Variants in DIAPH2 observed in about 807,000 individuals in gnomAD.
DIAPH2 encodes the protein protein diaphanous homolog 2.
In DIAPH2, 35 loss-of-function variants were observed where a neutral mutation model predicts 92.7. That is an observed-to-expected ratio of 0.38 (90% CI 0.29 to 0.50). The LOEUF is 0.50. Ranked by LOEUF, DIAPH2 falls within the 20% of genes least tolerant of loss-of-function variation. The pLI is 0.94. For missense variants in DIAPH2, 701 were observed against 819.5 expected (o/e 0.86, Z 1.77); for synonymous variants, 301 against 280.4 (o/e 1.07, Z -0.73).
chrX:97,040,180 T>G (rs2066438921), intron 17 of DIAPH2, among the ~76,000 whole-genome samples: 1 of 109,613 alleles, frequency 9.1e-6, no homozygotes, highest in Admixed American at 9.7e-5. Context: ...TGAGGGTTTT[T>G]TTTTTTTTTT....
At chrX:96,686,785 AT>A (rs2063773421) in intron 1 of DIAPH2, among the ~76,000 whole-genome samples, 1 of 112,267 alleles carries the variant, frequency 8.9e-6, no homozygotes, top group Admixed American at 9.5e-5. Context: ...AAACAGTAAG[AT>A]TTAGTAAGCT....
At chrX:97,141,957 T>G (rs1012945845) in intron 22 of DIAPH2, among the ~76,000 whole-genome samples, 163 bp downstream of exon 22, 1 of 112,391 alleles carries the variant, frequency 8.9e-6, no homozygotes, top group Admixed American at 9.4e-5. Context: ...GACAGCATAC[T>G]ACATTTTAAT....
At position 96,881,649 on chromosome X, in the gene DIAPH2, G is replaced by T; in HGVS notation, c.518G>T (p.Gly173Val). Residue 173 changes from glycine to valine, a missense_variant, in exon 5 of 27, where the codon GGT becomes GTT. Coordinates refer to ENST00000324765, the MANE Select transcript of DIAPH2 (RefSeq NM_006729.5). The part of the protein sequence containing the change: ...SQEYVHELRS[G>V]ISDEKLLNCL... ...GAATATGTTCATGAATTACGATCGGGTATATCAGATGAGAAACTTCTTAAT... is the reference window on the plus strand; with the variant it reads ...GAATATGTTCATGAATTACGATCGGTTATATCAGATGAGAAACTTCTTAAT... The T allele has an allele frequency of 8.3e-7, 1 of 1,207,305 alleles. No individual in the cohort carries two copies. Among genetic ancestry groups the T allele is most frequent in the African/African-American group, 1.7e-5 (1 of 57,677 alleles).
At chrX:97,134,846 G>T (rs1380431666) in intron 21 of DIAPH2, among the ~76,000 whole-genome samples, 1 of 111,442 alleles carries the variant, frequency 9.0e-6, no homozygotes, top group Non-Finnish European at 1.9e-5. Context: ...GTATTATCTG[G>T]TTATTATCCA....
intron 5 of DIAPH2, among the ~76,000 whole-genome samples, chrX:96,909,393 G>A (rs2065455423): frequency 9.0e-6 from 1 of 110,680 alleles, no homozygotes; most frequent in Non-Finnish European, 1.9e-5. Flanking sequence ...GGGGGAGGGG[G>A]GTGGAGGAGA....
chrX:97,198,552 A>C (rs1336470237), intron 22 of DIAPH2, among the ~76,000 whole-genome samples: 3 of 111,762 alleles, frequency 2.7e-5, no homozygotes, highest in Non-Finnish European at 5.6e-5. Flanking sequence ...TATAATAAAT[A>C]AAAGTTCATT....
Position 97,256,655 on chromosome X carries a change from TTTTGTTTG to T in DIAPH2, c.2844+8837_2844+8844del, listed in dbSNP as rs750363840. Among the ~76,000 whole-genome samples, 33 of 111,461 alleles carry T rather than the reference TTTTGTTTG, an allele frequency of 3.0e-4. 1 individual carries two copies. Among genetic ancestry groups the T allele is most frequent in the African/African-American group, 8.5e-4 (26 of 30,696 alleles). On this transcript the variant is annotated intron_variant, in intron 23 of 26. Coordinates refer to ENST00000324765, the MANE Select transcript of DIAPH2 (RefSeq NM_006729.5). ...AGTAATCCCTGCTCTTTTCTTCTGT[TTTTGTTTG>T]TTTGTTTGTTTGTTTGTTTGAGATG...
At chrX:97,073,764 A>C (rs769053921) in intron 18 of DIAPH2, among the ~76,000 whole-genome samples, 1 of 112,483 alleles carries the variant, frequency 8.9e-6, no homozygotes, top group East Asian at 2.8e-4. Context: ...TATTTTGTTA[A>C]GGAATGTGGT....
chrX:97,194,175 G>A (rs2067678127), intron 22 of DIAPH2, among the ~76,000 whole-genome samples: 1 of 110,943 alleles, frequency 9.0e-6, no homozygotes, highest in South Asian at 3.8e-4. Flanking sequence ...TCTGCTCTAC[G>A]GTAATGTTTC....
At chrX:97,515,574 A>T (rs976413139) in intron 26 of DIAPH2, among the ~76,000 whole-genome samples, 1 of 112,009 alleles carries the variant, frequency 8.9e-6, no homozygotes, top group Non-Finnish European at 1.9e-5. Flanking sequence ...TTTGATGAAG[A>T]AGTGGAGGGT....
At chrX:97,242,049 C>G (rs1926387879) in intron 22 of DIAPH2, among the ~76,000 whole-genome samples, 1 of 111,593 alleles carries the variant, frequency 9.0e-6, no homozygotes, top group South Asian at 3.7e-4. Flanking sequence ...GCTGAGATAA[C>G]AGGCGTGAGC....
chrX:97,165,623 A>T (rs1294004511), intron 22 of DIAPH2, among the ~76,000 whole-genome samples: 1 of 107,898 alleles, frequency 9.3e-6, no homozygotes, highest in Non-Finnish European at 1.9e-5. Context: ...CCTCCCAAGT[A>T]GCTGGGACTA....
intron 17 of DIAPH2, among the ~76,000 whole-genome samples, chrX:96,996,936 CTTA>C (rs1356087303): frequency 8.9e-6 from 1 of 111,879 alleles, no homozygotes; most frequent in African/African-American, 3.2e-5. Flanking sequence ...GGGATATATT[CTTA>C]TTTTCTTATT....
intron 5 of DIAPH2, among the ~76,000 whole-genome samples, chrX:96,895,631 T>C (rs986506425): frequency 1.1e-4 from 12 of 112,210 alleles, no homozygotes; most frequent in African/African-American, 3.9e-4. Flanking sequence ...GTATGTCACA[T>C]TTGCTCATTT....
chrX:97,053,599 G>A lies in DIAPH2; in HGVS notation c.2051-19342G>A, dbSNP rs141502539. ...ACTCATTTTTAGAATAGGGAAACAC[G>A]CTATTATAACTACCTATTGAAGAAT... On this transcript the variant is annotated intron_variant, in intron 17 of 26. Transcript: ENST00000324765. 5.4e-5 allele frequency among the ~76,000 whole-genome samples: 6 copies of A among 111,129 alleles called. No homozygotes were observed. The East Asian group carries it at 1.4e-3, about 26-fold the overall frequency.
intron 23 of DIAPH2, among the ~76,000 whole-genome samples, chrX:97,312,736 A>T (rs1292226339): frequency 9.0e-6 from 1 of 111,457 alleles, no homozygotes; most frequent in Non-Finnish European, 1.9e-5. Context: ...GATGTGTGGG[A>T]TATGAGAGGA....
At chrX:96,787,985 C>G (rs1482235488) in intron 4 of DIAPH2, among the ~76,000 whole-genome samples, 1 of 109,546 alleles carries the variant, frequency 9.1e-6, no homozygotes, top group Non-Finnish European at 1.9e-5. Context: ...GTTGGGATTA[C>G]AGACATAAGC....
chrX:96,700,663 C>T (rs931564032), intron 1 of DIAPH2, among the ~76,000 whole-genome samples: 1 of 112,132 alleles, frequency 8.9e-6, no homozygotes, highest in African/African-American at 3.2e-5. Context: ...TAAAAATTAA[C>T]TTGATGCTCT....
At chrX:96,781,703 A>G (rs1375124710) in intron 4 of DIAPH2, among the ~76,000 whole-genome samples, 1 of 108,473 alleles carries the variant, frequency 9.2e-6, no homozygotes, top group Admixed American at 9.9e-5. Flanking sequence ...ATAAAAAGAA[A>G]AAGTTTATAT....
Sources: gnomAD v4.1 joint callset for allele counts (sites outside exome capture counted in the v4.1 genomes callset) on GRCh38, gnomAD v4.1.1 for gene constraint, MANE v1.5 for transcripts, NCBI Gene and HGNC (gene_info 2026-07-23, HGNC 2026-07-21) for gene names.